WNT5B: variants seen among roughly 807,000 people sequenced by gnomAD.
The protein encoded by WNT5B is Wnt family member 5B, also known as protein Wnt-5b.
In WNT5B, 18 loss-of-function variants were observed where a neutral mutation model predicts 36.5. That is an observed-to-expected ratio of 0.49 (90% confidence interval 0.34 to 0.73). The LOEUF (loss-of-function observed/expected upper bound fraction) is 0.73. WNT5B is among the 30% of genes least tolerant of loss of function. The pLI is 0.01. For synonymous variants in WNT5B, 213 were observed against 212.3 expected, an observed-to-expected ratio of 1.00 and a Z score of -0.03; for missense variants, 424 against 508.4, an observed-to-expected ratio of 0.83 and a Z score of 1.60.
chr12:1,621,428 C>T (rs1227705563), intron 1 of WNT5B, among the ~76,000 whole-genome samples: 4 of 152,226 alleles, frequency 2.6e-5, no homozygotes, highest in Admixed American at 6.5e-5. Flanking sequence ...GACTGGTCCC[C>T]TATGTCTTTG....
chr12:1,630,246 C>T lies in WNT5B; in HGVS notation c.-58+875C>T, dbSNP rs61914788. 0.021 allele frequency: 20,753 copies of T among 985,056 alleles called. 272 individuals are homozygous for T. The highest frequency in any genetic ancestry group is 0.022 in the Non-Finnish European group (18,321 of 829,662). 61.0% of individuals were successfully genotyped at this position (985,056 alleles called of 1,614,324 possible). A position where few individuals can be genotyped will look rare whatever the true frequency, so the allele number is the denominator to read the frequency against. On this transcript the variant is annotated intron_variant, in intron 1 of 4. Transcript: ENST00000397196. The surrounding 1 kb of genome is among the most constrained non-coding windows in gnomAD (Gnocchi z 5.3). The stretch of plus-strand genomic sequence containing the variant: ...CGTCAGGTCCGGGGCCCCGGGGAGG[C>T]CGCTGGGGGCGCGGGTCACGCCCAG...
Position 1,632,078 on chromosome 12 carries a change from T to C in WNT5B, c.81-580T>C, listed in dbSNP as rs1382962353. ...ATGAGGGGAAGCTCAAAGTGAGACA[T>C]GGCAGTGAAAACAAGTAGACTAGAT... is the stretch of plus-strand genomic sequence containing the variant. On this transcript the variant is annotated intron_variant, in intron 2 of 4. Coordinates refer to ENST00000397196, the MANE Select transcript of WNT5B (RefSeq NM_032642.3). The surrounding 1 kb of genome is among the most constrained non-coding windows in gnomAD (Gnocchi z 5.8). Among the ~76,000 whole-genome samples the C allele has an allele frequency of 6.6e-6, 1 of 152,164 alleles. No individual in the cohort carries two copies. The highest frequency in any genetic ancestry group is 2.4e-5 in the African/African-American group (1 of 41,436).
At chr12:1,642,624 G>A (rs28384808) in intron 4 of WNT5B, among the ~76,000 whole-genome samples, 5,853 of 152,206 alleles carry the variant, frequency 0.038, 203 homozygotes, top group East Asian at 0.086. Flanking sequence ...GCTGAGCTGC[G>A]CTGTGGTGTC....
Position 1,646,263 on chromosome 12 carries a change from C to A in WNT5B, c.*11C>A. On this transcript the variant is annotated 3_prime_UTR_variant, in exon 5 of 5. Transcript: ENST00000397196. The stretch of plus-strand genomic sequence containing the variant: ...TACATCTGTAAATAGCCCGGAGGGC[C>A]TGCTCCCGGCCCCCCTGCACTCTGC... The A allele has an allele frequency of 6.3e-7, 1 of 1,598,930 alleles. No homozygotes were observed. The highest frequency in any genetic ancestry group is 1.1e-5 in the South Asian group (1 of 89,578).
At chr12:1,640,652 G>C (rs1219001967) in intron 4 of WNT5B, among the ~76,000 whole-genome samples, 2 of 152,226 alleles carry the variant, frequency 1.3e-5, no homozygotes, top group Non-Finnish European at 2.9e-5. Flanking sequence ...TGTATGTGCA[G>C]AGCACACCTG....
At chr12:1,624,673 G>C (rs1055655197), upstream of WNT5B, among the ~76,000 whole-genome samples, 1 of 152,206 alleles carries the variant, frequency 6.6e-6, no homozygotes, top group African/African-American at 2.4e-5. Flanking sequence ...TATTGTCACT[G>C]GTTATCAATC....
intron 3 of WNT5B, among the ~76,000 whole-genome samples, chr12:1,636,148 C>G (rs901838956): frequency 1.3e-5 from 2 of 152,150 alleles, no homozygotes; most frequent in African/African-American, 4.8e-5. Flanking sequence ...CTATAAGTAT[C>G]ATTTGTTATT....
chr12:1,631,767 T>G (rs746589536), intron 2 of WNT5B, among the ~76,000 whole-genome samples: 3 of 152,192 alleles, frequency 2.0e-5, no homozygotes, highest in Non-Finnish European at 4.4e-5. Context: ...TTTGTTCCTT[T>G]GTTTTGTGTG....
At chr12:1,645,123 GGGCTAACCAC>G (rs201343655) in intron 4 of WNT5B, 1,976 of 152,376 alleles carry the variant, frequency 0.013, 24 homozygotes, top group Non-Finnish European at 0.021. Flanking sequence ...GGAGAGTTTT[GGGCTAACCAC>G]GGCTATGCCA....
rs2094553893 is a variant in WNT5B, at chr12:1,632,983, T to C, written c.328+78T>C. ...GGGAGCAATTAAGCTCTCTCAGGACTGGCACAGGGAGAGCCCAAAGGCAGC... is the reference window on the plus strand; with the variant it reads ...GGGAGCAATTAAGCTCTCTCAGGACCGGCACAGGGAGAGCCCAAAGGCAGC... On this transcript the variant is annotated intron_variant, in intron 3 of 4. Transcript: ENST00000397196. The surrounding 1 kb of genome is among the most constrained non-coding windows in gnomAD (Gnocchi z 5.8). The C allele has an allele frequency of 1.8e-5, 27 of 1,529,072 alleles. No individual in the cohort carries two copies. The South Asian group carries it at 2.1e-4, about 12-fold the overall frequency. The allele number at this position is 1,529,072 out of a possible 1,614,324, so 94.7% of individuals were successfully genotyped here. A position where few individuals can be genotyped will look rare whatever the true frequency, so the allele number is the denominator to read the frequency against.
chr12:1,626,631 C>A (rs183912842), upstream of WNT5B, among the ~76,000 whole-genome samples: 85 of 150,682 alleles, frequency 5.6e-4, no homozygotes, highest in East Asian at 0.016. Context: ...GTGGCACGAT[C>A]TTGACCCACT....
upstream of WNT5B, among the ~76,000 whole-genome samples, chr12:1,628,010 G>A (rs994463046): frequency 2.6e-5 from 4 of 152,166 alleles, no homozygotes; most frequent in African/African-American, 9.7e-5. Context: ...TGTATTGAAT[G>A]GCTGCATGGA....
intron 3 of WNT5B, among the ~76,000 whole-genome samples, chr12:1,636,318 C>T (rs942402159): frequency 6.6e-6 from 1 of 151,530 alleles, no homozygotes; most frequent in Non-Finnish European, 1.5e-5. Flanking sequence ...AACTGCACAC[C>T]CGTTAACTGT....
At chr12:1,620,629 C>T (rs1356657090) in intron 1 of WNT5B, among the ~76,000 whole-genome samples, 3 of 151,506 alleles carry the variant, frequency 2.0e-5, no homozygotes, top group Non-Finnish European at 2.9e-5. Flanking sequence ...ACCTCCGCCT[C>T]TTGGGTTCAA....
chr12:1,639,285 C>A (rs578178432), intron 3 of WNT5B, among the ~76,000 whole-genome samples: 1 of 151,398 alleles, frequency 6.6e-6, no homozygotes, highest in South Asian at 2.1e-4. Flanking sequence ...CTACAGGCGC[C>A]CGCCACCACG....
At chr12:1,643,367 T>G (rs1292981808) in intron 4 of WNT5B, among the ~76,000 whole-genome samples, 1 of 152,034 alleles carries the variant, frequency 6.6e-6, no homozygotes, top group Non-Finnish European at 1.5e-5. Flanking sequence ...AACTAAAACT[T>G]TTTTCTTTTT....
intron 4 of WNT5B, among the ~76,000 whole-genome samples, chr12:1,645,468 C>T (rs903450505): frequency 2.6e-5 from 4 of 152,066 alleles, no homozygotes; most frequent in Admixed American, 2.0e-4. Flanking sequence ...CTTTGTTTTC[C>T]GATTGTGAAA....
At chr12:1,626,722 A>G (rs988527245), upstream of WNT5B, among the ~76,000 whole-genome samples, 7 of 150,906 alleles carry the variant, frequency 4.6e-5, no homozygotes, top group South Asian at 2.1e-4. Context: ...CCGCCACCAC[A>G]CTGGGCTAAT....
chr12:1,624,904 C>T (rs574749364), upstream of WNT5B, among the ~76,000 whole-genome samples: 8 of 151,898 alleles, frequency 5.3e-5, no homozygotes, highest in Middle Eastern at 3.2e-3. Context: ...GAGACCTCTT[C>T]GGTCTCAACC....
Sources: allele counts gnomAD v4.1 joint callset (sites outside exome capture counted in the v4.1 genomes callset), GRCh38; gene constraint gnomAD v4.1.1; non-coding constraint Gnocchi (gnomAD v3.1); transcripts MANE v1.5; gene names NCBI Gene and HGNC (gene_info 2026-07-23, HGNC 2026-07-21).